Variants in EBF1 observed in about 807,000 individuals in gnomAD.
The protein encoded by EBF1 is transcription factor COE1.
Under a neutral mutation model 68.4 loss-of-function variants are expected in EBF1, and 10 were observed. The observed-to-expected ratio is 0.15, with a 90% CI of 0.09 to 0.25. EBF1 has a LOEUF of 0.25. EBF1 is among the 10% of genes least tolerant of loss of function. The pLI, the probability that EBF1 is intolerant of heterozygous loss-of-function variation, is 1.00. For missense variants in EBF1, 509 were observed against 794.4 expected (o/e 0.64, Z 4.32); for synonymous variants, 298 against 299.8 (o/e 0.99, Z 0.06).
At chr5:158,761,674 A>T (rs1771486931) in intron 10 of EBF1, among the ~76,000 whole-genome samples, 1 of 152,216 alleles carries the variant, frequency 6.6e-6, no homozygotes, top group Non-Finnish European at 1.5e-5. Flanking sequence ...AAGGAATATA[A>T]TCCTGGTGAG....
In EBF1 at chr5:158,969,919, A is replaced by AGAAAGAGG. The variant is rs199980397; in HGVS notation, c.554+103476_554+103477insCCTCTTTC. Among the ~76,000 whole-genome samples the AGAAAGAGG allele has an allele frequency of 1.5e-4, 9 of 60,176 alleles. 1 individual carries two copies. Among genetic ancestry groups the AGAAAGAGG allele is most frequent in the Non-Finnish European group, 2.9e-4 (8 of 27,656 alleles). 39.5% of individuals were successfully genotyped at this position (60,176 alleles called of 152,430 possible). Reference sequence around the variant, plus strand: ...AAGAAAGAAAGAAAGAAAGAAAGAAAAAAAAAAAAAAGGCTGCTGGAAGTT... The same window carrying AGAAAGAGG: ...AAGAAAGAAAGAAAGAAAGAAAGAAAGAAAGAGGAAAAAAAAAAAGGCTGCTGGAAGTT... On this transcript the variant is annotated intron_variant, in intron 6 of 15. Transcript: ENST00000313708.
chr5:158,943,973 C>T (rs1434830021), intron 6 of EBF1, among the ~76,000 whole-genome samples: 3 of 152,166 alleles, frequency 2.0e-5, no homozygotes, highest in African/African-American at 7.2e-5. Context: ...CCGGACTGCG[C>T]CTTCCTAGAC....
chr5:159,066,287 A>G (rs1776785123), intron 6 of EBF1, among the ~76,000 whole-genome samples: 1 of 152,228 alleles, frequency 6.6e-6, no homozygotes. Flanking sequence ...ATAGTTACCA[A>G]GTGCCATTTT....
chr5:158,913,124 C>T (rs190223101), intron 6 of EBF1, among the ~76,000 whole-genome samples: 198 of 152,186 alleles, frequency 1.3e-3, no homozygotes, highest in Admixed American at 1.4e-3. Flanking sequence ...TATCCTGTAC[C>T]GCTGGGTCAC....
chr5:158,765,352 T>C (rs1260184723), intron 10 of EBF1, among the ~76,000 whole-genome samples: 1 of 152,194 alleles, frequency 6.6e-6, no homozygotes, highest in Non-Finnish European at 1.5e-5. Flanking sequence ...TCATTGACTA[T>C]TTTAAAAATC....
chr5:158,775,264 T>C (rs978389948), intron 10 of EBF1, among the ~76,000 whole-genome samples: 3 of 152,114 alleles, frequency 2.0e-5, no homozygotes, highest in Non-Finnish European at 2.9e-5. Context: ...CCTAGCTCTT[T>C]TCTCTTGAGA....
intron 6 of EBF1, among the ~76,000 whole-genome samples, chr5:158,860,757 A>C (rs966139681): frequency 2.6e-5 from 4 of 152,156 alleles, no homozygotes; most frequent in African/African-American, 9.7e-5. Context: ...CCTTCAGTCC[A>C]AGCCCATGGC....
At chr5:159,010,887 T>G (rs1328310436) in intron 6 of EBF1, among the ~76,000 whole-genome samples, 1 of 152,260 alleles carries the variant, frequency 6.6e-6, no homozygotes. Context: ...CAGTGTTTTT[T>G]GGGATCACTT....
At chr5:158,895,395 T>G (rs553952800) in intron 6 of EBF1, among the ~76,000 whole-genome samples, 1 of 152,324 alleles carries the variant, frequency 6.6e-6, no homozygotes, top group South Asian at 2.1e-4. Context: ...TGTTTGGCTA[T>G]TCTATAATAA....
At chr5:158,937,709 T>C (rs1812349392) in intron 6 of EBF1, among the ~76,000 whole-genome samples, 2 of 152,290 alleles carry the variant, frequency 1.3e-5, no homozygotes, top group South Asian at 4.1e-4. Context: ...TTGAGGTGCA[T>C]AAAGCCACTG....
chr5:159,009,806 G>T (rs973173650), intron 6 of EBF1, among the ~76,000 whole-genome samples: 2 of 150,808 alleles, frequency 1.3e-5, no homozygotes, highest in Non-Finnish European at 1.5e-5. Context: ...AATTAAAGAT[G>T]ATATAGTACG....
intron 6 of EBF1, among the ~76,000 whole-genome samples, chr5:158,881,385 G>C (rs1798871392): frequency 6.6e-6 from 1 of 152,136 alleles, no homozygotes; most frequent in South Asian, 2.1e-4. Context: ...CGTGATTCTG[G>C]ATACAGTTCT....
At chr5:158,863,281 C>G (rs981997632) in intron 6 of EBF1, among the ~76,000 whole-genome samples, 66 of 152,244 alleles carry the variant, frequency 4.3e-4, no homozygotes, top group Non-Finnish European at 4.4e-5. Flanking sequence ...CCTACCTCTC[C>G]CTCTAGGAAG....
In EBF1 at chr5:158,840,645, G is replaced by GTTTTTTTTTTT. The variant is rs534374216; in HGVS notation, c.555-546_555-536dup. 3.9e-4 allele frequency among the ~76,000 whole-genome samples: 25 copies of GTTTTTTTTTTT among 64,820 alleles called. 5 individuals are homozygous for GTTTTTTTTTTT. The highest frequency in any genetic ancestry group is 7.6e-4 in the Admixed American group (3 of 3,928). 42.5% of individuals were successfully genotyped at this position (64,820 alleles called of 152,430 possible). ...TCCTTTGACTTCTCAAATACCTCCT[G>GTTTTTTTTTTT]TTTTTTTTTTTTTTTTTTTTTTTTT... is the stretch of plus-strand genomic sequence containing the variant. On this transcript the variant is annotated intron_variant, in intron 6 of 15. Transcript: ENST00000313708.
At chr5:158,874,743 A>G (rs1214199831) in intron 6 of EBF1, among the ~76,000 whole-genome samples, 1 of 152,140 alleles carries the variant, frequency 6.6e-6, no homozygotes, top group South Asian at 2.1e-4. Flanking sequence ...GACAATTAGC[A>G]TATTATAAAT....
chr5:158,703,401 C>T (rs534086671), intron 15 of EBF1, among the ~76,000 whole-genome samples: 17 of 152,224 alleles, frequency 1.1e-4, no homozygotes, highest in Non-Finnish European at 2.1e-4. Flanking sequence ...CAGAAAAGGA[C>T]TCTGTAGGCA....
intron 6 of EBF1, among the ~76,000 whole-genome samples, chr5:158,915,856 G>A (rs1427592029): frequency 6.6e-6 from 1 of 152,176 alleles, no homozygotes; most frequent in Non-Finnish European, 1.5e-5. Flanking sequence ...ACAATGCCAG[G>A]CATATCAAAA....
intron 9 of EBF1, among the ~76,000 whole-genome samples, chr5:158,790,010 C>A (rs889950788): frequency 6.6e-6 from 1 of 152,182 alleles, no homozygotes; most frequent in East Asian, 1.9e-4. Context: ...CCTAAACCAC[C>A]ATTTACCCAA....
At chr5:158,978,218 G>C (rs540493476) in intron 6 of EBF1, among the ~76,000 whole-genome samples, 1 of 152,354 alleles carries the variant, frequency 6.6e-6, no homozygotes, top group Non-Finnish European at 1.5e-5. Context: ...CTGCGCCCCG[G>C]TGCGCCCTGA....
Sources: allele counts gnomAD v4.1 joint callset (sites outside exome capture counted in the v4.1 genomes callset), GRCh38; gene constraint gnomAD v4.1.1; transcripts MANE v1.5; gene names NCBI Gene and HGNC (gene_info 2026-07-23, HGNC 2026-07-21).